Variants in FANCC observed in about 807,000 individuals in gnomAD.
FANCC encodes FA complementation group C, also known as Fanconi anemia group C protein.
In FANCC, 55 loss-of-function variants were observed where a neutral mutation model predicts 71.3. The ratio of observed to expected loss-of-function variants is 0.77; its 90% CI spans 0.62 to 0.97. The LOEUF is 0.97. FANCC is among the 50% of genes least tolerant of loss of function. The pLI is 0.00. For synonymous variants in FANCC, 275 were observed against 244.9 expected, an observed-to-expected ratio of 1.12 and a Z score of -1.15; for missense variants, 678 against 670.9, an observed-to-expected ratio of 1.01 and a Z score of -0.12.
At chr9:95,244,565 G>C (rs1016669522) in intron 3 of FANCC, among the ~76,000 whole-genome samples, 1 of 151,428 alleles carries the variant, frequency 6.6e-6, no homozygotes, top group Non-Finnish European at 1.5e-5. Context: ...TATAGTCCCA[G>C]CTACTCAGGA....
intron 7 of FANCC, among the ~76,000 whole-genome samples, chr9:95,148,956 T>C (rs1342687799): frequency 6.6e-6 from 1 of 152,198 alleles, no homozygotes; most frequent in Non-Finnish European, 1.5e-5. Context: ...CTGGATTTTC[T>C]TCATACACTT....
In FANCC at chr9:95,291,947, CAA is replaced by C. The variant is rs775436297; in HGVS notation, c.-79+25577_-79+25578del. On this transcript the variant is annotated intron_variant, in intron 1 of 14. Coordinates refer to ENST00000289081, the MANE Select transcript of FANCC (RefSeq NM_000136.3). Reference sequence around the variant, plus strand: ...TAGGTGAGAGAGTGAGACTCTGTCTCAAAAAAAAAAAAAAAAAAAAATATATA... The same window carrying C: ...TAGGTGAGAGAGTGAGACTCTGTCTCAAAAAAAAAAAAAAAAAAATATATA... Among the ~76,000 whole-genome samples, 406 of 40,760 alleles carry C rather than the reference CAA, an allele frequency of 1.0e-2. 7 individuals are homozygous for C. The highest frequency in any genetic ancestry group is 0.093 in the East Asian group (124 of 1,340). The allele number at this position is 40,760 out of a possible 152,430, so 26.7% of individuals were successfully genotyped here.
chr9:95,254,263 G>A (rs1292211291), intron 1 of FANCC, among the ~76,000 whole-genome samples: 2 of 152,212 alleles, frequency 1.3e-5, no homozygotes, highest in African/African-American at 4.8e-5. Flanking sequence ...TTAAAAAATA[G>A]TTTTTAAAAC....
rs4647465 is a variant in FANCC at position 95,200,509 on chromosome 9, G to A, written c.346-28362C>T. 3.4e-3 allele frequency among the ~76,000 whole-genome samples: 512 copies of A among 152,292 alleles called. 9 individuals are homozygous for A. In the East Asian group the frequency reaches 0.044, roughly 13 times the overall value. ...AGGAGGTCTAAGCAGCTGTTTACGGGAGAGTGGCAAGACGAACAGCAGAGT... is the reference window on the plus strand; with the variant it reads ...AGGAGGTCTAAGCAGCTGTTTACGGAAGAGTGGCAAGACGAACAGCAGAGT... On this transcript the variant is annotated intron_variant, in intron 4 of 14. Transcript: ENST00000289081.
chr9:95,273,463 A>C (rs763566741), intron 1 of FANCC, among the ~76,000 whole-genome samples: 3 of 152,210 alleles, frequency 2.0e-5, no homozygotes, highest in African/African-American at 7.2e-5. Flanking sequence ...CTCATGAACA[A>C]CACCCAAGGA....
chr9:95,143,762 G>A (rs1182538829), intron 7 of FANCC, among the ~76,000 whole-genome samples: 1 of 152,140 alleles, frequency 6.6e-6, no homozygotes, highest in Non-Finnish European at 1.5e-5. Context: ...TTATACTCCA[G>A]ACTTACAAAA....
At chr9:95,271,848 A>G (rs967851546) in intron 1 of FANCC, among the ~76,000 whole-genome samples, 5 of 151,278 alleles carry the variant, frequency 3.3e-5, no homozygotes, top group South Asian at 2.1e-4. Context: ...TGCACGCCTT[A>G]AAAGTTTATC....
chr9:95,185,758 A>G (rs2135705452), intron 4 of FANCC, among the ~76,000 whole-genome samples: 1 of 152,348 alleles, frequency 6.6e-6, no homozygotes, highest in East Asian at 1.9e-4. Flanking sequence ...AGTATAATTC[A>G]GCGAACAATT....
intron 1 of FANCC, among the ~76,000 whole-genome samples, chr9:95,262,536 G>A (rs1414338970): frequency 1.3e-5 from 2 of 152,144 alleles, no homozygotes; most frequent in Non-Finnish European, 2.9e-5. Context: ...AATGTAAAAT[G>A]GCGCAGCTGC....
At position 95,222,979 on chromosome 9, in the gene FANCC, C is replaced by T. The variant is rs143913722; in HGVS notation, c.345+17670G>A. Among the ~76,000 whole-genome samples the T allele has an allele frequency of 4.9e-3, 748 of 152,228 alleles. 9 individuals are homozygous for T. Among genetic ancestry groups the T allele is most frequent in the Non-Finnish European group, 5.5e-3 (373 of 68,016 alleles). On this transcript the variant is annotated intron_variant, in intron 4 of 14. Transcript: ENST00000289081. ...GTTATACCTGGTTATTCACCAATGCCTAGATATTTGGATTCTCATTTTTTC... is the reference window on the plus strand; with the variant it reads ...GTTATACCTGGTTATTCACCAATGCTTAGATATTTGGATTCTCATTTTTTC...
rs1830767307 is a variant in FANCC, at chr9:95,243,695, G to A, written c.251-2952C>T. ...TGTAGTCCCAGCTACTTGGTAGGCT[G>A]AGGCAGGAGAATGGCGTGAACCTAG... On this transcript the variant is annotated intron_variant, in intron 3 of 14. Transcript: ENST00000289081. Among the ~76,000 whole-genome samples, 4 of 152,196 alleles carry A rather than the reference G, an allele frequency of 2.6e-5. No homozygotes were observed. The South Asian group carries it at 8.3e-4, about 32-fold the overall frequency.
chr9:95,144,134 A>AG (rs1022531952), intron 7 of FANCC, among the ~76,000 whole-genome samples: 6 of 131,286 alleles, frequency 4.6e-5, no homozygotes, highest in African/African-American at 1.1e-4. Flanking sequence ...ACATCTGGGG[A>AG]GGGGGGGCTG....
intron 1 of FANCC, among the ~76,000 whole-genome samples, chr9:95,276,782 G>C (rs1833066183): frequency 6.6e-6 from 1 of 152,222 alleles, no homozygotes; most frequent in Non-Finnish European, 1.5e-5. Context: ...GGAGGAAAGA[G>C]TTCTTGTATT....
At chr9:95,160,561 G>A (rs1186225615) in intron 6 of FANCC, among the ~76,000 whole-genome samples, 1 of 152,146 alleles carries the variant, frequency 6.6e-6, no homozygotes, top group East Asian at 1.9e-4. Flanking sequence ...CCAATTCTGT[G>A]AAGAAAGTCA....
chr9:95,195,658 G>C (rs1309178574), intron 4 of FANCC, among the ~76,000 whole-genome samples: 1 of 152,170 alleles, frequency 6.6e-6, no homozygotes, highest in Non-Finnish European at 1.5e-5. Context: ...AGCCTTGCTA[G>C]AATTTTGATA....
intron 4 of FANCC, among the ~76,000 whole-genome samples, chr9:95,172,697 A>C (rs1825762483): frequency 6.6e-6 from 1 of 152,214 alleles, no homozygotes; most frequent in Admixed American, 6.5e-5. Context: ...CTATCTGTAA[A>C]AAGAAAAAAA....
chr9:95,099,584 G>A lies in FANCC; in HGVS notation c.*2123C>T, dbSNP rs2071013322. 4 of 231,092 alleles carry A rather than the reference G, an allele frequency of 1.7e-5. No homozygotes were observed. Among genetic ancestry groups the A allele is most frequent in the Non-Finnish European group, 2.6e-5 (3 of 116,864 alleles). 14.3% of individuals were successfully genotyped at this position (231,092 alleles called of 1,614,324 possible). On this transcript the variant is annotated 3_prime_UTR_variant, in exon 15 of 15. Coordinates refer to ENST00000289081, the MANE Select transcript of FANCC (RefSeq NM_000136.3). ...TGGAGGTGGAGGGAATGGCCGAGGGGTGGCTCCCCCAGCTCCCCACCTTTG... is the reference window on the plus strand; with the variant it reads ...TGGAGGTGGAGGGAATGGCCGAGGGATGGCTCCCCCAGCTCCCCACCTTTG...
At chr9:95,113,379 A>G (rs1331835088) in intron 12 of FANCC, among the ~76,000 whole-genome samples, 2 of 152,242 alleles carry the variant, frequency 1.3e-5, no homozygotes, top group Admixed American at 1.3e-4. Flanking sequence ...GGGACAATGA[A>G]TAAAATTATA....
rs560879906 is a variant in FANCC at position 95,294,347 on chromosome 9, C to G, written c.-79+23179G>C. The G allele has an allele frequency of 2.5e-6, 4 of 1,588,698 alleles. No individual in the cohort carries two copies. In the African/African-American group the frequency reaches 4.0e-5, roughly 16 times the overall value. On this transcript the variant is annotated intron_variant, in intron 1 of 14. Transcript: ENST00000289081. ...GAGCCAGTCTTGGAGTCACTGGACA[C>G]AGAGACTCAAACGGACTTCTTACTC...
Sources: allele counts gnomAD v4.1 joint callset (sites outside exome capture counted in the v4.1 genomes callset), GRCh38; gene constraint gnomAD v4.1.1; transcripts MANE v1.5; gene names NCBI Gene and HGNC (gene_info 2026-07-23, HGNC 2026-07-21).